Variants in ANKRD28 observed in about 807,000 individuals in gnomAD.
ANKRD28 encodes the protein ankyrin repeat domain 28.
ANKRD28 carries 44 observed loss-of-function variants against 126.5 expected under a neutral mutation model. The ratio of observed to expected loss-of-function variants is 0.35; its 90% CI spans 0.27 to 0.45. ANKRD28 has a LOEUF of 0.45. Ranked by LOEUF, ANKRD28 falls within the 20% of genes least tolerant of loss-of-function variation. ANKRD28 has a pLI of 1.00. For synonymous variants in ANKRD28, 442 were observed against 468.5 expected, an observed-to-expected ratio of 0.94 and a Z score of 0.73; for missense variants, 1,110 against 1,316.6, an observed-to-expected ratio of 0.84 and a Z score of 2.43.
intron 2 of ANKRD28, among the ~76,000 whole-genome samples, chr3:15,784,926 T>C (rs544342222): frequency 6.6e-6 from 1 of 152,094 alleles, no homozygotes; most frequent in African/African-American, 2.4e-5. Context: ...AACTCTGTCA[T>C]ATAATGAAGC....
intron 27 of ANKRD28, among the ~76,000 whole-genome samples, chr3:15,674,132 A>G (rs1321009702): frequency 1.5e-5 from 2 of 132,180 alleles, no homozygotes; most frequent in African/African-American, 5.8e-5. Flanking sequence ...TGATCTCACC[A>G]CTGTACTCTA....
intron 25 of ANKRD28, 55 bp from the exon 26 acceptor site, chr3:15,677,111 A>G: frequency 6.5e-6 from 9 of 1,385,558 alleles, no homozygotes; most frequent in Non-Finnish European, 9.2e-6. Context: ...AGATACATTT[A>G]TACACCCAAC....
intron 3 of ANKRD28, among the ~76,000 whole-genome samples, chr3:15,765,313 TA>T (rs964776130): frequency 2.0e-5 from 3 of 152,068 alleles, no homozygotes; most frequent in African/African-American, 7.2e-5. Context: ...GAAAAAATAA[TA>T]AAGGAGTATA....
At chr3:15,799,074 CTCTT>C (rs1241999188), upstream of ANKRD28, among the ~76,000 whole-genome samples, 1 of 151,950 alleles carries the variant, frequency 6.6e-6, no homozygotes, top group East Asian at 1.9e-4. Context: ...TAAACACATA[CTCTT>C]TCTAATCTAT....
At chr3:15,701,909 T>C (rs1250923350) in intron 14 of ANKRD28, among the ~76,000 whole-genome samples, 1 of 152,120 alleles carries the variant, frequency 6.6e-6, no homozygotes, top group Non-Finnish European at 1.5e-5. Flanking sequence ...AGGAATACTT[T>C]ACAGGCAAAA....
At chr3:15,735,537 GCA>G in intron 5 of ANKRD28, 40 bp from the exon 6 acceptor site, 3 of 1,406,342 alleles carry the variant, frequency 2.1e-6, no homozygotes, top group Non-Finnish European at 2.9e-6. Flanking sequence ...AAATTGTGAA[GCA>G]CAATTGTCTA....
chr3:15,712,360 T>A, intron 10 of ANKRD28, 138 bp from the exon 11 acceptor site: 1 of 720,142 alleles, frequency 1.4e-6, no homozygotes, highest in Non-Finnish European at 2.3e-6. Context: ...GTAATTTGGT[T>A]AAAGTTTGAT....
rs1408509055 is a variant in ANKRD28, at chr3:15,669,314, T to A, written c.*956A>T. 1 of 152,164 alleles carries A rather than the reference T, an allele frequency of 6.6e-6. No homozygotes were observed. The highest frequency in any genetic ancestry group is 2.4e-5 in the African/African-American group (1 of 41,438). 9.4% of individuals were successfully genotyped at this position (152,164 alleles called of 1,614,324 possible). A position where few individuals can be genotyped will look rare whatever the true frequency, so the allele number is the denominator to read the frequency against. On this transcript the variant is annotated 3_prime_UTR_variant, in exon 28 of 28. Coordinates refer to ENST00000683139, the MANE Select transcript of ANKRD28 (RefSeq NM_001349278.2). Reference sequence around the variant, plus strand: ...ACAAAAGTAACATAAGTGACTAAGGTGTGCCATTCATAGAGAGGTTGAAGA... The same window carrying A: ...ACAAAAGTAACATAAGTGACTAAGGAGTGCCATTCATAGAGAGGTTGAAGA...
rs2060821072 is a variant in ANKRD28, at chr3:15,815,810, C to T, written c.28-20504G>A. Among the ~76,000 whole-genome samples the T allele has an allele frequency of 6.6e-6, 1 of 152,112 alleles. No individual in the cohort carries two copies. Among genetic ancestry groups the T allele is most frequent in the Admixed American group, 6.5e-5 (1 of 15,282 alleles). On this transcript the variant is annotated intron_variant, in intron 1 of 27. Coordinates refer to the ANKRD28 transcript ENST00000399451. This position sits in a 1 kb window ranked among gnomAD's most constrained non-coding sequence, Gnocchi z 4.1. The stretch of plus-strand genomic sequence containing the variant: ...AAATTATTTATGAACAAATCAACCT[C>T]ATCAGAAAATATTAAAGGTACATTA...
At chr3:15,847,815 T>G (rs1051344274) in intron 1 of ANKRD28, among the ~76,000 whole-genome samples, 3 of 152,206 alleles carry the variant, frequency 2.0e-5, no homozygotes, top group African/African-American at 4.8e-5. Flanking sequence ...AAACCTATAT[T>G]CTATACTATC....
At position 15,721,022 on chromosome 3, in the gene ANKRD28, G is replaced by T. The variant is rs1176947206; in HGVS notation, c.889C>A (p.Gln297Lys). 6.2e-7 allele frequency: 1 copy of T among 1,613,716 alleles called. No individual in the cohort carries two copies. The highest frequency in any genetic ancestry group is 8.5e-7 in the Non-Finnish European group (1 of 1,179,784). ...GGAGTAAATCCTTTTTCATTCTTTT[G>T]ATTCACAATAGCACCACAGTCTATA... ...ELIDCGAIVN[Q>K]KNEKGFTPLH... The change falls in exon 8 of 28, where the codon CAA (glutamine) becomes AAA (lysine). Residue 297 changes from glutamine to lysine, a missense_variant. Transcript: ENST00000683139.
intron 11 of ANKRD28, among the ~76,000 whole-genome samples, chr3:15,711,790 G>A (rs1026098161): frequency 1.3e-5 from 2 of 151,780 alleles, no homozygotes; most frequent in Non-Finnish European, 2.9e-5. Flanking sequence ...GGGTTCAAGC[G>A]ATTCTCCTGC....
Position 15,751,775 on chromosome 3 carries a change from T to C in ANKRD28, c.326A>G (p.His109Arg). Residue 109 changes from histidine (H) to arginine (R), a missense_variant, in exon 4 of 28, where the codon CAC becomes CGC. His to Arg is a conservative substitution (Grantham distance 29, BLOSUM62 0). Coordinates refer to ENST00000683139, the MANE Select transcript of ANKRD28 (RefSeq NM_001349278.2). ...CTCACTACAAGATGCAACTGCTCTG[T>C]GTAAAGGTGTCAACCATTTGCTGTC... Reference protein sequence around the residue: ...AKDSKWLTPLHRAVASCSEEA... With the variant: ...AKDSKWLTPLRRAVASCSEEA... 1.3e-6 allele frequency: 2 copies of C among 1,589,796 alleles called. No homozygotes were observed. Among genetic ancestry groups the C allele is most frequent in the South Asian group, 1.2e-5 (1 of 86,792 alleles).
chr3:15,828,743 T>C (rs1340877128), intron 1 of ANKRD28, among the ~76,000 whole-genome samples: 2 of 152,094 alleles, frequency 1.3e-5, no homozygotes, highest in East Asian at 3.9e-4. Flanking sequence ...TCCACAGGTT[T>C]GCACCACGCT....
At chr3:15,772,526 C>CGTGAT (rs2059067741) in intron 2 of ANKRD28, among the ~76,000 whole-genome samples, 2 of 152,168 alleles carry the variant, frequency 1.3e-5, no homozygotes, top group African/African-American at 4.8e-5. Flanking sequence ...AAGGGTACTA[C>CGTGAT]ATCACGACCA....
intron 1 of ANKRD28, among the ~76,000 whole-genome samples, chr3:15,825,765 A>G (rs907954609): frequency 2.6e-5 from 4 of 152,174 alleles, no homozygotes; most frequent in Admixed American, 6.5e-5. Flanking sequence ...GATAATAGAG[A>G]TATATACTTA....
chr3:15,855,231 G>A (rs1417986705), intron 1 of ANKRD28, among the ~76,000 whole-genome samples: 1 of 151,832 alleles, frequency 6.6e-6, no homozygotes, highest in Non-Finnish European at 1.5e-5. Flanking sequence ...TCCACTCTTA[G>A]TGTGTACTTG....
chr3:15,851,304 G>C (rs1050944311), intron 1 of ANKRD28, among the ~76,000 whole-genome samples: 1 of 152,026 alleles, frequency 6.6e-6, no homozygotes, highest in African/African-American at 2.4e-5. Flanking sequence ...AGGCTGGGGA[G>C]GGGGAGGGCT....
intron 1 of ANKRD28, among the ~76,000 whole-genome samples, chr3:15,850,181 T>C (rs140665928): frequency 0.034 from 2,976 of 88,588 alleles, 65 homozygotes; most frequent in Middle Eastern, 0.14. Flanking sequence ...ACTGGGTATC[T>C]ACATGCAATA....
Sources: gnomAD v4.1 joint callset for allele counts (sites outside exome capture counted in the v4.1 genomes callset) on GRCh38, gnomAD v4.1.1 for gene constraint, Gnocchi (gnomAD v3.1) non-coding constraint, MANE v1.5 for transcripts, NCBI Gene and HGNC (gene_info 2026-07-23, HGNC 2026-07-21) for gene names.